XKR4: variants seen among roughly 807,000 people sequenced by gnomAD.
XKR4 encodes the protein XK related 4.
In XKR4, 12 loss-of-function variants were observed where a neutral mutation model predicts 53.9. The observed-to-expected ratio is 0.22, with a 90% CI of 0.14 to 0.36. The LOEUF (loss-of-function observed/expected upper bound fraction) is 0.36. Ranked by LOEUF, XKR4 falls within the 10% of genes least tolerant of loss-of-function variation. The pLI, the probability that XKR4 is intolerant of heterozygous loss-of-function variation, is 1.00. For synonymous variants in XKR4, 354 were observed against 362.4 expected, an observed-to-expected ratio of 0.98 and a Z score of 0.26; for missense variants, 799 against 859.5, an observed-to-expected ratio of 0.93 and a Z score of 0.88.
intron 2 of XKR4, among the ~76,000 whole-genome samples, chr8:55,504,494 C>T (rs966309549): frequency 1.3e-5 from 2 of 151,990 alleles, no homozygotes; most frequent in South Asian, 2.1e-4. Flanking sequence ...GGATTACAGG[C>T]GTGAGCCACC....
intron 1 of XKR4, among the ~76,000 whole-genome samples, chr8:55,174,585 T>A (rs1308590804): frequency 6.6e-6 from 1 of 152,178 alleles, no homozygotes; most frequent in African/African-American, 2.4e-5. Flanking sequence ...TGATGTTAGG[T>A]TAATTCCTAC....
intron 2 of XKR4, among the ~76,000 whole-genome samples, chr8:55,360,431 T>C (rs1466851645): frequency 1.3e-5 from 2 of 152,186 alleles, no homozygotes; most frequent in African/African-American, 2.4e-5. Flanking sequence ...TGTTCCCCTT[T>C]AGGAAAAGAA....
intron 2 of XKR4, among the ~76,000 whole-genome samples, chr8:55,444,536 T>C (rs967795175): frequency 6.6e-6 from 1 of 152,216 alleles, no homozygotes; most frequent in Non-Finnish European, 1.5e-5. Flanking sequence ...AGGTGAATGA[T>C]TTGGGCATTT....
At position 55,524,062 on chromosome 8, in the gene XKR4, A is replaced by C; in HGVS notation, c.1788A>C (p.Lys596Asn). The change falls in exon 3 of 3, where the codon AAA becomes AAC. Residue 596 changes from lysine (K) to asparagine (N), a missense_variant. By Grantham distance (94) the Lys-to-Asn change is moderately conservative. Around this residue, in one of 3 missense-constraint regions of XKR4, gnomAD observed 269 missense variants for 264.4 expected, o/e 1.02. Transcript: ENST00000327381. The part of the protein sequence containing the change: ...RPPRIEESVI[K>N]IDLFRNRYPA... ...CACGGATTGAAGAATCAGTCATTAAAATTGACTTGTTCAGGAATAGGTACC... is the reference window on the plus strand; with the variant it reads ...CACGGATTGAAGAATCAGTCATTAACATTGACTTGTTCAGGAATAGGTACC... 1 of 1,614,224 alleles carries C rather than the reference A, an allele frequency of 6.2e-7. No homozygotes were observed. Among genetic ancestry groups the C allele is most frequent in the Non-Finnish European group, 8.5e-7 (1 of 1,180,042 alleles).
intron 1 of XKR4, among the ~76,000 whole-genome samples, chr8:55,116,382 C>T (rs1816309097): frequency 1.3e-5 from 2 of 152,146 alleles, no homozygotes; most frequent in Non-Finnish European, 2.9e-5. Context: ...TGGTGAACAA[C>T]CTGCTCCCTG....
intron 1 of XKR4, among the ~76,000 whole-genome samples, chr8:55,246,410 C>T (rs1818286158): frequency 6.6e-6 from 1 of 152,070 alleles, no homozygotes; most frequent in South Asian, 2.1e-4. Flanking sequence ...CCAGCCAGAA[C>T]ATAATTTGGG....
At chr8:55,157,084 A>T (rs772677317) in intron 1 of XKR4, among the ~76,000 whole-genome samples, 1 of 152,242 alleles carries the variant, frequency 6.6e-6, no homozygotes, top group Non-Finnish European at 1.5e-5. Context: ...ACAACTTTCC[A>T]TGACCCAGTT....
At chr8:55,289,677 G>GAAAGAAAGAAAGAAAGAAAGAA (rs201871671) in intron 1 of XKR4, among the ~76,000 whole-genome samples, 5 of 125,072 alleles carry the variant, frequency 4.0e-5, no homozygotes, top group African/African-American at 1.6e-4. Flanking sequence ...AGAAAAGAAA[G>GAAAGAAAGAAAGAAAGAAAGAA]AGAAAGAAAG....
In XKR4 at chr8:55,234,613, A is replaced by G. The variant is rs1012583808; in HGVS notation, c.807-123065A>G. On this transcript the variant is annotated intron_variant, in intron 1 of 2. Transcript: ENST00000327381. ...AAATTTGCATCACTCCAGTAGTTATATATCAGTAGGAACACTGGCAATGTT... is the reference window on the plus strand; with the variant it reads ...AAATTTGCATCACTCCAGTAGTTATGTATCAGTAGGAACACTGGCAATGTT... Among the ~76,000 whole-genome samples the G allele has an allele frequency of 4.6e-5, 7 of 152,246 alleles. No homozygotes were observed. In the East Asian group the frequency reaches 9.6e-4, roughly 21 times the overall value.
intron 2 of XKR4, chr8:55,450,677 C>G (rs1313416953): frequency 5.1e-6 from 3 of 591,112 alleles, no homozygotes; most frequent in Non-Finnish European, 6.4e-6. Flanking sequence ...CTGCTCTGTC[C>G]AGCCAGAATG....
chr8:55,219,387 C>G (rs893556252), intron 1 of XKR4, among the ~76,000 whole-genome samples: 1 of 152,142 alleles, frequency 6.6e-6, no homozygotes, highest in African/African-American at 2.4e-5. Context: ...TTGGATTACA[C>G]AGCTCTTGTG....
At chr8:55,484,964 A>T (rs1390488586) in intron 2 of XKR4, among the ~76,000 whole-genome samples, 1 of 152,222 alleles carries the variant, frequency 6.6e-6, no homozygotes, top group East Asian at 1.9e-4. Context: ...CCATGATTGT[A>T]TGAGCTGATT....
In XKR4 at chr8:55,454,257, C is replaced by A. The variant is rs933350555; in HGVS notation, c.1007-69024C>A. ...ACCGTCTCTCCATCCAGATCAGCTA[C>A]AATCACGTCTAGCAGCTCCTGGGTC... On this transcript the variant is annotated intron_variant, in intron 2 of 2. Transcript: ENST00000327381. 12 of 1,284,250 alleles carry A rather than the reference C, an allele frequency of 9.3e-6. No individual in the cohort carries two copies. In the Admixed American group the frequency reaches 1.2e-4, roughly 13 times the overall value. 79.6% of individuals were successfully genotyped at this position (1,284,250 alleles called of 1,614,324 possible).
At chr8:55,408,325 GC>G (rs1041623597) in intron 2 of XKR4, among the ~76,000 whole-genome samples, 3 of 152,296 alleles carry the variant, frequency 2.0e-5, no homozygotes, top group African/African-American at 7.2e-5. Flanking sequence ...AATTTACACT[GC>G]TAGGAAGTGG....
At chr8:55,238,377 C>T (rs1382378377) in intron 1 of XKR4, among the ~76,000 whole-genome samples, 1 of 152,130 alleles carries the variant, frequency 6.6e-6, no homozygotes, top group African/African-American at 2.4e-5. Flanking sequence ...TCATCCTTAT[C>T]CTCTTGTTTG....
At chr8:55,412,353 C>T (rs1444032105) in intron 2 of XKR4, among the ~76,000 whole-genome samples, 1 of 152,188 alleles carries the variant, frequency 6.6e-6, no homozygotes, top group Non-Finnish European at 1.5e-5. Context: ...TTCTATTAGC[C>T]ATCATGCCAG....
chr8:55,500,181 C>CAAAAAAAAAAAAAAAA (rs36233927), intron 2 of XKR4, among the ~76,000 whole-genome samples: 2 of 115,610 alleles, frequency 1.7e-5, no homozygotes, highest in African/African-American at 7.9e-5. Flanking sequence ...CAAATTGGGC[C>CAAAAAAAAAAAAAAAA]AAAAAAAAAA....
chr8:55,268,124 T>A (rs1818637014), intron 1 of XKR4, among the ~76,000 whole-genome samples: 1 of 152,174 alleles, frequency 6.6e-6, no homozygotes, highest in African/African-American at 2.4e-5. Context: ...AAAGACATTG[T>A]CGGAACAGCA....
chr8:55,294,083 A>C (rs1819066460), intron 1 of XKR4, among the ~76,000 whole-genome samples: 1 of 152,208 alleles, frequency 6.6e-6, no homozygotes, highest in South Asian at 2.1e-4. Context: ...CCTTCTATCA[A>C]CTTACCTTGC....
Sources: gnomAD v4.1 joint callset for allele counts (sites outside exome capture counted in the v4.1 genomes callset) on GRCh38, gnomAD v4.1.1 for gene constraint, gnomAD v4.1.1 regional missense constraint, MANE v1.5 for transcripts, NCBI Gene and HGNC (gene_info 2026-07-23, HGNC 2026-07-21) for gene names.